GRIP1: variants seen among roughly 807,000 people sequenced by gnomAD.
GRIP1 encodes glutamate receptor interacting protein 1.
GRIP1 carries 45 observed loss-of-function variants against 129.9 expected under a neutral mutation model. The observed-to-expected ratio is 0.35, with a 90% CI of 0.27 to 0.44. The LOEUF (loss-of-function observed/expected upper bound fraction) is 0.44. Ranked by LOEUF, GRIP1 falls within the 20% of genes least tolerant of loss-of-function variation. The pLI, the probability that GRIP1 is intolerant of heterozygous loss-of-function variation, is 1.00. For missense variants in GRIP1, 1,196 were observed against 1,396.8 expected (o/e 0.86, Z 2.29); for synonymous variants, 530 against 520.8 (o/e 1.02, Z -0.24).
upstream of GRIP1, among the ~76,000 whole-genome samples, chr12:66,679,996 C>T (rs1014262958): frequency 2.0e-5 from 3 of 152,040 alleles, no homozygotes; most frequent in South Asian, 2.1e-4. Context: ...ATAGTCAATA[C>T]GAACTAACAT....
chr12:66,951,130 T>C (rs1256546546), intron 1 of GRIP1, among the ~76,000 whole-genome samples: 2 of 152,236 alleles, frequency 1.3e-5, no homozygotes, highest in Non-Finnish European at 2.9e-5. Context: ...AATAAACTTA[T>C]AAATAAGGCT....
chr12:66,415,736 G>GTATT (rs2057576391), intron 15 of GRIP1, among the ~76,000 whole-genome samples: 1 of 152,152 alleles, frequency 6.6e-6, no homozygotes, highest in Admixed American at 6.5e-5. Context: ...ATACTATGCA[G>GTATT]CCATAAAAAG....
chr12:66,729,542 C>T (rs1352548768), intron 1 of GRIP1, among the ~76,000 whole-genome samples: 2 of 152,000 alleles, frequency 1.3e-5, no homozygotes, highest in African/African-American at 2.4e-5. Flanking sequence ...TGTTCATGGT[C>T]GCATGCTACT....
chr12:66,646,112 C>T (rs893401601), intron 1 of GRIP1, among the ~76,000 whole-genome samples: 9 of 151,840 alleles, frequency 5.9e-5, no homozygotes, highest in African/African-American at 2.2e-4. Context: ...ATTCTAAACA[C>T]AAAAAAAGGT....
intron 11 of GRIP1, among the ~76,000 whole-genome samples, chr12:66,453,313 C>A (rs2058862372): frequency 6.6e-6 from 1 of 152,174 alleles, no homozygotes; most frequent in African/African-American, 2.4e-5. Flanking sequence ...GAAGTATGAA[C>A]ACTAATGAAT....
intron 1 of GRIP1, among the ~76,000 whole-genome samples, chr12:66,616,128 A>G (rs759347214): frequency 5.9e-5 from 9 of 152,112 alleles, no homozygotes; most frequent in Non-Finnish European, 1.2e-4. Context: ...GCTGTGTCTT[A>G]TTATCTGAAT....
intron 1 of GRIP1, among the ~76,000 whole-genome samples, chr12:66,821,701 C>T (rs1015178292): frequency 6.6e-6 from 1 of 152,062 alleles, no homozygotes. Context: ...TGGAAACAAA[C>T]CATTGAGATC....
At chr12:66,411,222 A>G (rs2057390131) in intron 15 of GRIP1, among the ~76,000 whole-genome samples, 2 of 152,092 alleles carry the variant, frequency 1.3e-5, no homozygotes, top group Admixed American at 1.3e-4. Flanking sequence ...AGGGGTCTCC[A>G]GGTCTCCAGA....
chr12:66,682,181 C>T (rs1429227829), upstream of GRIP1, among the ~76,000 whole-genome samples: 1 of 152,100 alleles, frequency 6.6e-6, no homozygotes, highest in South Asian at 2.1e-4. Flanking sequence ...TAACAAAGTA[C>T]CTTTAAGTGC....
intron 1 of GRIP1, among the ~76,000 whole-genome samples, chr12:66,644,296 A>G (rs1281760106): frequency 6.6e-6 from 1 of 152,184 alleles, no homozygotes; most frequent in African/African-American, 2.4e-5. Context: ...GATGATCAGA[A>G]AAAACATATA....
At chr12:67,011,865 C>T (rs1592464683) in intron 1 of GRIP1, among the ~76,000 whole-genome samples, 3 of 152,324 alleles carry the variant, frequency 2.0e-5, no homozygotes, top group African/African-American at 7.2e-5. Context: ...TCTGTTGCAA[C>T]TACTCAACTC....
At chr12:66,919,498 C>T (rs1298076258) in intron 1 of GRIP1, among the ~76,000 whole-genome samples, 1 of 152,146 alleles carries the variant, frequency 6.6e-6, no homozygotes, top group Non-Finnish European at 1.5e-5. Flanking sequence ...TCTGCAACTC[C>T]ATTTCCTTTT....
chr12:67,044,474 T>A (rs756250149), intron 1 of GRIP1, among the ~76,000 whole-genome samples: 1 of 152,146 alleles, frequency 6.6e-6, no homozygotes, highest in Non-Finnish European at 1.5e-5. Context: ...GCTAAAAAAA[T>A]TTTCTTACAG....
At chr12:66,808,309 T>G (rs1247978155), upstream of GRIP1, among the ~76,000 whole-genome samples, 1 of 152,120 alleles carries the variant, frequency 6.6e-6, no homozygotes, top group East Asian at 1.9e-4. Flanking sequence ...GTTTTTTTGT[T>G]TTTTTGGAGA....
At chr12:66,856,530 AAAAC>A (rs1479032172) in intron 1 of GRIP1, among the ~76,000 whole-genome samples, 4 of 152,142 alleles carry the variant, frequency 2.6e-5, no homozygotes, top group Non-Finnish European at 5.9e-5. Flanking sequence ...TTACAAGAAA[AAAAC>A]AAACAACCCC....
intron 7 of GRIP1, among the ~76,000 whole-genome samples, chr12:66,486,133 A>T (rs1317185060): frequency 6.6e-6 from 1 of 152,098 alleles, no homozygotes; most frequent in Non-Finnish European, 1.5e-5. Flanking sequence ...TATTTAATTC[A>T]GCAAAAAGTA....
intron 7 of GRIP1, among the ~76,000 whole-genome samples, chr12:66,497,322 T>C (rs944110364): frequency 3.9e-5 from 6 of 152,164 alleles, no homozygotes; most frequent in Admixed American, 2.0e-4. Context: ...TTATGGAAGT[T>C]TGTTTTGTCT....
intron 1 of GRIP1, among the ~76,000 whole-genome samples, chr12:66,824,644 G>A (rs181152940): frequency 5.0e-4 from 76 of 152,156 alleles, no homozygotes; most frequent in African/African-American, 1.7e-3. Flanking sequence ...TTTATATAGA[G>A]GAAGCACAGG....
At chr12:66,487,257 C>T (rs1012860992) in intron 7 of GRIP1, among the ~76,000 whole-genome samples, 1 of 152,090 alleles carries the variant, frequency 6.6e-6, no homozygotes, top group Non-Finnish European at 1.5e-5. Context: ...TACAAAGAAA[C>T]GCCCATCAGA....
Sources: gnomAD v4.1 joint callset for allele counts (sites outside exome capture counted in the v4.1 genomes callset) on GRCh38, gnomAD v4.1.1 for gene constraint, MANE v1.5 for transcripts, NCBI Gene and HGNC (gene_info 2026-07-23, HGNC 2026-07-21) for gene names.